MTARC2: variants seen among roughly 807,000 people sequenced by gnomAD.
MTARC2 encodes the protein MOCO sulphurase C-terminal domain containing 2.
A neutral mutation model predicts 35.6 loss-of-function variants in MTARC2; 27 were observed. The ratio of observed to expected loss-of-function variants is 0.76; its 90% CI spans 0.56 to 1.04. MTARC2 has a LOEUF of 1.04. Ranked by LOEUF, MTARC2 falls within the 50% of genes least tolerant of loss-of-function variation. MTARC2 has a pLI of 0.00. For synonymous variants in MTARC2, 158 were observed against 167.1 expected (o/e 0.95, Z 0.42); for missense variants, 412 against 432.5 (o/e 0.95, Z 0.42).
At chr1:220,759,984 C>T (rs898937218) in intron 2 of MTARC2, among the ~76,000 whole-genome samples, 5 of 152,066 alleles carry the variant, frequency 3.3e-5, no homozygotes, top group African/African-American at 1.2e-4. Flanking sequence ...TCACATGCAT[C>T]GCCTCAGGAG....
intron 2 of MTARC2, among the ~76,000 whole-genome samples, chr1:220,758,561 A>G (rs1671345752): frequency 6.6e-6 from 1 of 152,040 alleles, no homozygotes; most frequent in Non-Finnish European, 1.5e-5. Flanking sequence ...CTGGGACTAC[A>G]GGCATGCACC....
intron 4 of MTARC2, chr1:220,770,234 C>A: frequency 1.1e-5 from 2 of 187,838 alleles, no homozygotes; most frequent in Non-Finnish European, 2.0e-5. Flanking sequence ...CTCGAGATGT[C>A]CTTCACCATG....
At chr1:220,778,098 C>T (rs1369426971) in intron 4 of MTARC2, among the ~76,000 whole-genome samples, 1 of 151,872 alleles carries the variant, frequency 6.6e-6, no homozygotes, top group Non-Finnish European at 1.5e-5. Context: ...CAAAAATTAA[C>T]CGGGCATGGT....
chr1:220,753,449 C>A (rs1422444158), intron 1 of MTARC2, among the ~76,000 whole-genome samples: 1 of 152,152 alleles, frequency 6.6e-6, no homozygotes, highest in Non-Finnish European at 1.5e-5. Context: ...TTAGCCAGCA[C>A]CTGGAAAGGA....
chr1:220,775,404 G>C (rs1411263514), intron 4 of MTARC2, among the ~76,000 whole-genome samples: 1 of 152,140 alleles, frequency 6.6e-6, no homozygotes, highest in African/African-American at 2.4e-5. Flanking sequence ...TTGGGGCCTG[G>C]ATTTCGGCAG....
intron 4 of MTARC2, among the ~76,000 whole-genome samples, chr1:220,771,789 A>G (rs1671751230): frequency 6.6e-6 from 1 of 152,142 alleles, no homozygotes; most frequent in African/African-American, 2.4e-5. Flanking sequence ...GTATTAGGAC[A>G]AATACCTAAT....
intron 2 of MTARC2, among the ~76,000 whole-genome samples, chr1:220,756,916 T>G (rs1156730857): frequency 6.6e-6 from 1 of 152,228 alleles, no homozygotes; most frequent in Non-Finnish European, 1.5e-5. Flanking sequence ...TTTATTTATT[T>G]TTTGAGACGG....
At chr1:220,750,510 T>C (rs1227812187) in intron 1 of MTARC2, among the ~76,000 whole-genome samples, 1 of 152,208 alleles carries the variant, frequency 6.6e-6, no homozygotes, top group African/African-American at 2.4e-5. Flanking sequence ...TTGCCTGTGC[T>C]TTTTGCTCCC....
Position 220,779,981 on chromosome 1 carries a change from G to A in MTARC2, c.751-37G>A, listed in dbSNP as rs72472397. 1.9e-3 allele frequency: 2,796 copies of A among 1,472,940 alleles called. 36 individuals carry two copies. The African/African-American group carries it at 0.03, about 16-fold the overall frequency. 91.2% of individuals were successfully genotyped at this position (1,472,940 alleles called of 1,614,324 possible). A position where few individuals can be genotyped will look rare whatever the true frequency, so the allele number is the denominator to read the frequency against. ...ATAAACAGACTCAAAGGCTAATGAAGCCACCATTTAAAAGATAACTTTCTC... is the reference window on the plus strand; with the variant it reads ...ATAAACAGACTCAAAGGCTAATGAAACCACCATTTAAAAGATAACTTTCTC... On this transcript the variant is annotated intron_variant, in intron 4 of 7. Transcript: ENST00000366913.
At chr1:220,770,796 A>G (rs1449502001) in intron 4 of MTARC2, among the ~76,000 whole-genome samples, 1 of 152,242 alleles carries the variant, frequency 6.6e-6, no homozygotes, top group East Asian at 1.9e-4. Flanking sequence ...ATCAGGCACT[A>G]AAATTCTCGT....
chr1:220,784,041 T>C lies in MTARC2; in HGVS notation c.*154T>C, dbSNP rs1672150684. On this transcript the variant is annotated 3_prime_UTR_variant, in exon 8 of 8. Transcript: ENST00000366913. Reference sequence around the variant, plus strand: ...GGAAAACAATCTCGATTTTTGACTTTTCAAAGTTGTGTATGCTCCAGGTTA... The same window carrying C: ...GGAAAACAATCTCGATTTTTGACTTCTCAAAGTTGTGTATGCTCCAGGTTA... 2 of 711,674 alleles carry C rather than the reference T, an allele frequency of 2.8e-6. No individual in the cohort carries two copies. Among genetic ancestry groups the C allele is most frequent in the South Asian group, 3.0e-5 (2 of 66,734 alleles). 44.1% of individuals were successfully genotyped at this position (711,674 alleles called of 1,614,324 possible). A position where few individuals can be genotyped will look rare whatever the true frequency, so the allele number is the denominator to read the frequency against.
chr1:220,775,024 G>C (rs927466416), intron 4 of MTARC2, among the ~76,000 whole-genome samples: 5 of 152,118 alleles, frequency 3.3e-5, no homozygotes, highest in African/African-American at 1.2e-4. Context: ...AAGGGAGGGA[G>C]ACTCTCCATT....
At chr1:220,776,700 A>C (rs770576808) in intron 4 of MTARC2, among the ~76,000 whole-genome samples, 11 of 152,172 alleles carry the variant, frequency 7.2e-5, no homozygotes, top group African/African-American at 1.4e-4. Context: ...AGAATAGATG[A>C]CTAACTGAAT....
rs77296831 is a variant in MTARC2 at position 220,757,578 on chromosome 1, A to T, written c.446+2458A>T. On this transcript the variant is annotated intron_variant, in intron 2 of 7. Transcript: ENST00000366913. ...GGAAGTCTAAGATCGAGGTGCTGGT[A>T]GATTGGTGAGGTCCCTTTTCAGGGC... Among the ~76,000 whole-genome samples the T allele has an allele frequency of 7.6e-3, 1,158 of 152,288 alleles. 21 individuals are homozygous for T. Among genetic ancestry groups the T allele is most frequent in the African/African-American group, 0.027 (1,116 of 41,544 alleles).
chr1:220,777,311 A>G (rs1424441105), intron 4 of MTARC2, among the ~76,000 whole-genome samples: 1 of 152,160 alleles, frequency 6.6e-6, no homozygotes, highest in Non-Finnish European at 1.5e-5. Flanking sequence ...GGTACTGGAG[A>G]ATCATTTGCA....
In MTARC2 at chr1:220,784,030, A is replaced by G. The variant is rs1347169555; in HGVS notation, c.*143A>G. The stretch of plus-strand genomic sequence containing the variant: ...ATCTTTACCCTGGAAAACAATCTCG[A>G]TTTTTGACTTTTCAAAGTTGTGTAT... On this transcript the variant is annotated 3_prime_UTR_variant, in exon 8 of 8. Transcript: ENST00000366913. 9.8e-6 allele frequency: 7 copies of G among 712,192 alleles called. No individual in the cohort carries two copies. Among genetic ancestry groups the G allele is most frequent in the Non-Finnish European group, 1.6e-5 (6 of 382,174 alleles). 44.1% of individuals were successfully genotyped at this position (712,192 alleles called of 1,614,324 possible).
At chr1:220,763,156 A>G (rs1488704578) in intron 4 of MTARC2, 106 bp downstream of exon 4, 1 of 1,461,720 alleles carries the variant, frequency 6.8e-7, no homozygotes, top group East Asian at 2.3e-5. Context: ...GGGTCCAGTC[A>G]TTCACTCATT....
At position 220,781,832 on chromosome 1, in the gene MTARC2, T is replaced by G. The variant is rs1672080591; in HGVS notation, c.939T>G (p.Phe313Leu). Residue 313 changes from phenylalanine (F) to leucine (L), a missense_variant, in exon 7 of 8, where the codon TTT becomes TTG. Phe to Leu is a conservative substitution (Grantham distance 22). Coordinates refer to ENST00000366913, the MANE Select transcript of MTARC2 (RefSeq NM_017898.5). ...ERELYKLSPLFGIYYSVEKIG... is the reference protein window; with the variant it reads ...ERELYKLSPLLGIYYSVEKIG... ...AATTGTACAAGTTGTCTCCACTTTT[T>G]GGGATCTATTATTCAGTGGAAAAAA... The G allele has an allele frequency of 6.2e-7, 1 of 1,614,098 alleles. No individual in the cohort carries two copies. The highest frequency in any genetic ancestry group is 1.1e-5 in the South Asian group (1 of 91,088).
At chr1:220,775,580 G>C (rs1235533884) in intron 4 of MTARC2, among the ~76,000 whole-genome samples, 4 of 152,070 alleles carry the variant, frequency 2.6e-5, no homozygotes, top group Non-Finnish European at 5.9e-5. Flanking sequence ...TTTTTATATA[G>C]GTAAATTGTG....
Sources: allele counts gnomAD v4.1 joint callset (sites outside exome capture counted in the v4.1 genomes callset), GRCh38; gene constraint gnomAD v4.1.1; transcripts MANE v1.5; gene names NCBI Gene and HGNC (gene_info 2026-07-23, HGNC 2026-07-21).